The following CSNK2A2IP variants were observed in gnomAD, a reference collection of about 807,000 sequenced individuals.
CSNK2A2IP encodes casein kinase II subunit alpha'-interacting protein.
the CSNK2A2IP span, among the ~76,000 whole-genome samples, chr3:88,350,310 C>T: frequency 6.6e-6 from 1 of 151,770 alleles, no homozygotes; most frequent in Non-Finnish European, 1.5e-5. Context: ...TAGTTTATAC[C>T]TTAATTGTTT....
the CSNK2A2IP span, among the ~76,000 whole-genome samples, chr3:88,347,189 T>A: frequency 6.6e-6 from 1 of 151,966 alleles, no homozygotes; most frequent in Non-Finnish European, 1.5e-5. Flanking sequence ...GGAAAGAAAG[T>A]GGTTTCTTGT....
the CSNK2A2IP span, chr3:88,466,665 C>G: frequency 8.2e-7 from 1 of 1,218,412 alleles, no homozygotes. Flanking sequence ...ATAAAATTGT[C>G]AATTCTATCT....
the CSNK2A2IP span, among the ~76,000 whole-genome samples, chr3:88,369,564 A>T: frequency 6.6e-6 from 1 of 151,928 alleles, no homozygotes; most frequent in African/African-American, 2.4e-5. Context: ...GAATTGCTGA[A>T]TACCTAAGGG....
At chr3:88,374,426 T>C in the CSNK2A2IP span, among the ~76,000 whole-genome samples, 1 of 151,582 alleles carries the variant, frequency 6.6e-6, no homozygotes, top group Admixed American at 6.6e-5. Context: ...GTCATCAACA[T>C]ACAAACAAAT....
chr3:88,412,817 C>T, the CSNK2A2IP span, among the ~76,000 whole-genome samples: 10 of 151,982 alleles, frequency 6.6e-5, no homozygotes, highest in East Asian at 1.9e-4. Flanking sequence ...AGTACCACAC[C>T]GGTATTTCTG....
At chr3:88,391,886 A>G in the CSNK2A2IP span, among the ~76,000 whole-genome samples, 1 of 152,182 alleles carries the variant, frequency 6.6e-6, no homozygotes, top group Non-Finnish European at 1.5e-5. Flanking sequence ...TTCAGGAAAG[A>G]TGACTCTGAA....
the CSNK2A2IP span, among the ~76,000 whole-genome samples, chr3:88,411,781 A>G: frequency 6.6e-6 from 1 of 151,530 alleles, no homozygotes; most frequent in Non-Finnish European, 1.5e-5. Context: ...GAAATACATT[A>G]CAGATTTCAA....
the CSNK2A2IP span, among the ~76,000 whole-genome samples, chr3:88,356,042 A>G: frequency 8.5e-5 from 13 of 152,152 alleles, 1 homozygote; most frequent in African/African-American, 3.1e-4. Flanking sequence ...GATCAAATAA[A>G]GGTTATTGGG....
the CSNK2A2IP span, among the ~76,000 whole-genome samples, chr3:88,362,937 G>A: frequency 6.6e-6 from 1 of 152,094 alleles, no homozygotes. Context: ...CACTCCTGCG[G>A]CCACTGCAGC....
the CSNK2A2IP span, among the ~76,000 whole-genome samples, chr3:88,457,686 ACT>A: frequency 6.7e-6 from 1 of 149,630 alleles, no homozygotes; most frequent in Non-Finnish European, 1.5e-5. Context: ...AAAGAGTGAG[ACT>A]CAGTCTCAAA....
the CSNK2A2IP span, among the ~76,000 whole-genome samples, chr3:88,461,848 C>T: frequency 6.6e-6 from 1 of 152,098 alleles, no homozygotes; most frequent in Admixed American, 6.5e-5. Context: ...TCACTGCAGC[C>T]TCCATTCCCT....
At chr3:88,397,932 A>G in the CSNK2A2IP span, among the ~76,000 whole-genome samples, 1 of 152,076 alleles carries the variant, frequency 6.6e-6, no homozygotes, top group Non-Finnish European at 1.5e-5. Context: ...GCAATCCTTA[A>G]TCTGGGAGCT....
chr3:88,384,788 G>A, the CSNK2A2IP span, among the ~76,000 whole-genome samples: 3 of 152,134 alleles, frequency 2.0e-5, no homozygotes, highest in Non-Finnish European at 2.9e-5. Context: ...AGAGATAATA[G>A]AAACAAGAGA....
the CSNK2A2IP span, among the ~76,000 whole-genome samples, chr3:88,428,453 G>A: frequency 6.6e-6 from 1 of 152,078 alleles, no homozygotes; most frequent in Non-Finnish European, 1.5e-5. Context: ...AGGGGCCAGA[G>A]GTAGAATGAT....
chr3:88,384,142 A>C, the CSNK2A2IP span, among the ~76,000 whole-genome samples: 2 of 152,154 alleles, frequency 1.3e-5, no homozygotes, highest in Non-Finnish European at 2.9e-5. Flanking sequence ...ACTATGGTAA[A>C]TAAGATAGAT....
the CSNK2A2IP span, among the ~76,000 whole-genome samples, chr3:88,441,405 GT>G: frequency 6.6e-6 from 1 of 152,050 alleles, no homozygotes; most frequent in Admixed American, 6.6e-5. Flanking sequence ...ATATTTCTTA[GT>G]TTCCTACATT....
At chr3:88,413,821 C>T in the CSNK2A2IP span, among the ~76,000 whole-genome samples, 1 of 151,690 alleles carries the variant, frequency 6.6e-6, no homozygotes, top group Non-Finnish European at 1.5e-5. Context: ...ATGCAAAACC[C>T]CAACATATAA....
chr3:88,419,464 C>T, the CSNK2A2IP span, among the ~76,000 whole-genome samples: 1 of 152,134 alleles, frequency 6.6e-6, no homozygotes, highest in Non-Finnish European at 1.5e-5. Flanking sequence ...GTGTAGTATT[C>T]CATGGTATAT....
At chr3:88,427,222 G>C in the CSNK2A2IP span, among the ~76,000 whole-genome samples, 1 of 152,196 alleles carries the variant, frequency 6.6e-6, no homozygotes, top group East Asian at 1.9e-4. Flanking sequence ...CTTTAGCAAA[G>C]AGGCTGCCCT....
Sources: gnomAD v4.1 joint callset for allele counts (sites outside exome capture counted in the v4.1 genomes callset) on GRCh38, gnomAD v4.1.1 for gene constraint, MANE v1.5 for transcripts, NCBI Gene and HGNC (gene_info 2026-07-23, HGNC 2026-07-21) for gene names.